TENM3: variants seen among roughly 807,000 people sequenced by gnomAD.
TENM3 encodes teneurin-3.
A neutral mutation model predicts 255.1 loss-of-function variants in TENM3; 63 were observed. That is an observed-to-expected ratio of 0.25 (90% confidence interval 0.20 to 0.30). The LOEUF is 0.30. Among genes scored for constraint, TENM3 ranks in the 10% least tolerant of loss-of-function variants. TENM3 has a pLI of 1.00. For missense variants in TENM3, 2,929 were observed against 3,461.1 expected (o/e 0.85, Z 3.86); for synonymous variants, 1,306 against 1,322.3 (o/e 0.99, Z 0.27).
the TENM3 span, among the ~76,000 whole-genome samples, chr4:181,613,503 C>G: frequency 6.6e-6 from 1 of 152,182 alleles, no homozygotes; most frequent in East Asian, 1.9e-4. Context: ...CTCAGCTCTC[C>G]TAACGCAGAG....
At chr4:181,864,328 T>C in the TENM3 span, among the ~76,000 whole-genome samples, 1 of 152,114 alleles carries the variant, frequency 6.6e-6, no homozygotes, top group Non-Finnish European at 1.5e-5. Context: ...AATGCACTGA[T>C]AATGACCTGA....
the TENM3 span, among the ~76,000 whole-genome samples, chr4:181,586,418 T>C: frequency 7.9e-5 from 12 of 152,122 alleles, no homozygotes; most frequent in Non-Finnish European, 4.4e-5. Context: ...AGGACTCAAC[T>C]AGACAATGAG....
chr4:181,770,695 AAAGAGT>A, the TENM3 span, among the ~76,000 whole-genome samples: 2 of 151,034 alleles, frequency 1.3e-5, no homozygotes, highest in Non-Finnish European at 3.0e-5. Context: ...AAAAAAAAAA[AAAGAGT>A]GAGGAAGTTC....
At chr4:182,377,400 A>G (rs536235887) in intron 3 of TENM3, among the ~76,000 whole-genome samples, 8 of 152,076 alleles carry the variant, frequency 5.3e-5, no homozygotes, top group African/African-American at 1.9e-4. Context: ...TGCAACCTCC[A>G]CCTCCTGGGT....
chr4:181,522,948 T>C, the TENM3 span: 4 of 735,130 alleles, frequency 5.4e-6, no homozygotes, highest in Admixed American at 3.6e-5. Context: ...AATGGCAAAG[T>C]ATGAGAAGGC....
chr4:182,492,671 T>G (rs1735415198), intron 3 of TENM3, among the ~76,000 whole-genome samples: 1 of 152,170 alleles, frequency 6.6e-6, no homozygotes, highest in African/African-American at 2.4e-5. Context: ...GAACTTCTTA[T>G]CTGTGCCAAA....
At chr4:181,482,545 T>A in the TENM3 span, among the ~76,000 whole-genome samples, 1 of 152,160 alleles carries the variant, frequency 6.6e-6, no homozygotes, top group South Asian at 2.1e-4. Flanking sequence ...AAATCATAAA[T>A]CCCTAACTGT....
chr4:182,761,481 TC>T (rs1462973843), intron 22 of TENM3, among the ~76,000 whole-genome samples: 3 of 152,066 alleles, frequency 2.0e-5, no homozygotes, highest in Non-Finnish European at 4.4e-5. Context: ...GGATATCCTT[TC>T]CTTTGATAAG....
chr4:181,700,443 G>T, the TENM3 span, among the ~76,000 whole-genome samples: 1 of 152,114 alleles, frequency 6.6e-6, no homozygotes, highest in Non-Finnish European at 1.5e-5. Flanking sequence ...GAGAAAATAT[G>T]TTTCGATATG....
chr4:181,685,362 C>A, the TENM3 span, among the ~76,000 whole-genome samples: 1 of 152,160 alleles, frequency 6.6e-6, no homozygotes, highest in African/African-American at 2.4e-5. Flanking sequence ...CCTGGAAGCA[C>A]AATCTACCAT....
chr4:181,877,874 C>T, the TENM3 span, among the ~76,000 whole-genome samples: 1 of 152,138 alleles, frequency 6.6e-6, no homozygotes, highest in Non-Finnish European at 1.5e-5. Context: ...ATGCAGTCTT[C>T]TAGATGGATA....
intron 2 of TENM3, among the ~76,000 whole-genome samples, chr4:182,342,875 C>T (rs978486839): frequency 3.3e-5 from 5 of 152,158 alleles, no homozygotes; most frequent in African/African-American, 1.2e-4. Flanking sequence ...CTGATTGTGG[C>T]TTTGAAAAAT....
chr4:182,707,615 A>G (rs1758379908), intron 12 of TENM3: 1 of 152,238 alleles, frequency 6.6e-6, no homozygotes, highest in African/African-American at 2.4e-5. Flanking sequence ...TTGAAAATTT[A>G]TGGACTAAAT....
chr4:182,663,510 G>A (rs1754394313), intron 6 of TENM3, among the ~76,000 whole-genome samples: 1 of 152,068 alleles, frequency 6.6e-6, no homozygotes, highest in South Asian at 2.1e-4. Context: ...CATAAAAAGT[G>A]AAAATGTATT....
intron 3 of TENM3, among the ~76,000 whole-genome samples, chr4:182,413,869 A>G (rs549228042): frequency 1.8e-4 from 27 of 152,186 alleles, no homozygotes; most frequent in African/African-American, 6.5e-4. Flanking sequence ...CCTATCTTAG[A>G]AGACCTTTCA....
chr4:182,581,504 G>A (rs375209738), intron 3 of TENM3, among the ~76,000 whole-genome samples: 49 of 152,090 alleles, frequency 3.2e-4, no homozygotes, highest in African/African-American at 1.2e-3. Flanking sequence ...TTGGGAGGCC[G>A]AGGAGGGCGG....
At chr4:181,734,553 G>A in the TENM3 span, among the ~76,000 whole-genome samples, 1 of 152,154 alleles carries the variant, frequency 6.6e-6, no homozygotes, top group East Asian at 1.9e-4. Context: ...GACCAAATTT[G>A]TTGTTTAGGC....
intron 3 of TENM3, among the ~76,000 whole-genome samples, chr4:182,491,335 T>TA (rs1400889917): frequency 6.6e-6 from 1 of 152,090 alleles, no homozygotes; most frequent in Non-Finnish European, 1.5e-5. Context: ...TGAATATTGT[T>TA]AAACAATACT....
At chr4:182,478,411 T>C (rs1035810099) in intron 3 of TENM3, among the ~76,000 whole-genome samples, 1 of 152,012 alleles carries the variant, frequency 6.6e-6, no homozygotes, top group African/African-American at 2.4e-5. Context: ...GTCATTCTTA[T>C]AATATTTTTA....
Sources: allele counts gnomAD v4.1 joint callset (sites outside exome capture counted in the v4.1 genomes callset), GRCh38; gene constraint gnomAD v4.1.1; transcripts MANE v1.5; gene names NCBI Gene and HGNC (gene_info 2026-07-23, HGNC 2026-07-21).